IGSF11: variants seen among roughly 807,000 people sequenced by gnomAD.
IGSF11 encodes immunoglobulin superfamily member 11.
Under a neutral mutation model 41.0 loss-of-function variants are expected in IGSF11, and 22 were observed. That is an observed-to-expected ratio of 0.54 (90% confidence interval 0.38 to 0.77). The LOEUF (loss-of-function observed/expected upper bound fraction) is 0.77, where lower values mean the gene tolerates loss of function less well. Ranked by LOEUF, IGSF11 falls within the 30% of genes least tolerant of loss-of-function variation. The pLI, the probability that IGSF11 is intolerant of heterozygous loss-of-function variation, is 0.00. For missense variants in IGSF11, 444 were observed against 530.8 expected (o/e 0.84, Z 1.61); for synonymous variants, 219 against 201.3 (o/e 1.09, Z -0.74).
chr3:118,958,493 T>C (rs1419400182), intron 1 of IGSF11, among the ~76,000 whole-genome samples: 2 of 152,196 alleles, frequency 1.3e-5, no homozygotes, highest in Non-Finnish European at 2.9e-5. Context: ...TAGCCATGCA[T>C]TTCATTAGTC....
chr3:119,059,922 A>G (rs1165536314), intron 1 of IGSF11, among the ~76,000 whole-genome samples: 1 of 152,200 alleles, frequency 6.6e-6, no homozygotes, highest in Non-Finnish European at 1.5e-5. Context: ...AGGAAATGAT[A>G]AGACATAAAA....
chr3:119,019,735 A>T (rs1939106348), intron 1 of IGSF11, among the ~76,000 whole-genome samples: 1 of 152,128 alleles, frequency 6.6e-6, no homozygotes, highest in Admixed American at 6.5e-5. Context: ...CTCCTCCGTG[A>T]GGGTATTCTT....
At chr3:119,131,737 G>C (rs1346520956) in intron 1 of IGSF11, among the ~76,000 whole-genome samples, 1 of 152,064 alleles carries the variant, frequency 6.6e-6, no homozygotes, top group African/African-American at 2.4e-5. Context: ...CTAACCCCAA[G>C]ACACATAATT....
chr3:119,074,759 G>A (rs2076464008), intron 1 of IGSF11, among the ~76,000 whole-genome samples: 1 of 152,040 alleles, frequency 6.6e-6, no homozygotes, highest in Non-Finnish European at 1.5e-5. Flanking sequence ...GGCTGAGGTG[G>A]GAGAATGGCA....
chr3:119,098,788 A>G (rs547017269), intron 1 of IGSF11, among the ~76,000 whole-genome samples: 3 of 152,236 alleles, frequency 2.0e-5, no homozygotes, highest in Non-Finnish European at 4.4e-5. Flanking sequence ...CTGTTGCCTG[A>G]GTCAATTATG....
Position 118,939,282 on chromosome 3 carries a change from T to A in IGSF11, c.53-9007A>T, listed in dbSNP as rs931516699. 1.4e-4 allele frequency among the ~76,000 whole-genome samples: 21 copies of A among 152,056 alleles called. No homozygotes were observed. The East Asian group carries it at 1.9e-3, about 14-fold the overall frequency. On this transcript the variant is annotated intron_variant, in intron 1 of 6. Transcript: ENST00000393775. ...GAAAACCATCATGTATTTTTTTTTTTAAATCACTTCGGGCCAGGTGTGGTG... is the reference window on the plus strand; with the variant it reads ...GAAAACCATCATGTATTTTTTTTTTAAAATCACTTCGGGCCAGGTGTGGTG...
chr3:119,128,956 A>G (rs2077440291), intron 1 of IGSF11, among the ~76,000 whole-genome samples: 1 of 152,250 alleles, frequency 6.6e-6, no homozygotes, highest in African/African-American at 2.4e-5. Context: ...AAATGTGGAC[A>G]TATACACTAT....
At chr3:119,129,224 C>G (rs1002732741) in intron 1 of IGSF11, among the ~76,000 whole-genome samples, 2 of 152,064 alleles carry the variant, frequency 1.3e-5, no homozygotes, top group Non-Finnish European at 2.9e-5. Context: ...CACCATGGCA[C>G]ACGTATACCT....
At chr3:119,114,202 C>T (rs993611036) in intron 1 of IGSF11, among the ~76,000 whole-genome samples, 2 of 152,214 alleles carry the variant, frequency 1.3e-5, no homozygotes, top group Non-Finnish European at 2.9e-5. Context: ...CATTTGTCTC[C>T]TCCTTACTTA....
chr3:119,143,009 G>C (rs192246674), intron 1 of IGSF11, among the ~76,000 whole-genome samples: 1 of 152,132 alleles, frequency 6.6e-6, no homozygotes, highest in East Asian at 1.9e-4. Context: ...CTACCTTTCA[G>C]AAATAAAGAA....
At chr3:119,017,039 C>CAAAAA (rs60190891) in intron 1 of IGSF11, among the ~76,000 whole-genome samples, 4 of 88,312 alleles carry the variant, frequency 4.5e-5, no homozygotes, top group African/African-American at 7.5e-5. Context: ...GGACGCAGGA[C>CAAAAA]AAAAAAAAAA....
intron 1 of IGSF11, among the ~76,000 whole-genome samples, chr3:118,988,919 GCT>G (rs1320574517): frequency 6.6e-6 from 1 of 152,168 alleles, no homozygotes; most frequent in Non-Finnish European, 1.5e-5. Context: ...GAGTTAGAAA[GCT>G]CTTTCTCCAG....
intron 1 of IGSF11, among the ~76,000 whole-genome samples, chr3:119,133,805 C>T (rs905018146): frequency 4.6e-5 from 7 of 152,110 alleles, no homozygotes; most frequent in Admixed American, 3.3e-4. Context: ...TAATTAACAT[C>T]GATGCGAAAA....
chr3:118,904,869 A>T, intron 5 of IGSF11, 71 bp from the exon 6 acceptor site: 1 of 1,249,432 alleles, frequency 8.0e-7, no homozygotes, highest in Non-Finnish European at 1.1e-6. Context: ...ATGCAACTGT[A>T]ATAAGCACAT....
chr3:118,940,153 C>T (rs560325588), intron 1 of IGSF11, among the ~76,000 whole-genome samples: 6 of 152,242 alleles, frequency 3.9e-5, no homozygotes, highest in South Asian at 2.1e-4. Context: ...TCTGCTCTTG[C>T]CACTTCTATT....
At chr3:119,087,238 C>G (rs2076690230) in intron 1 of IGSF11, among the ~76,000 whole-genome samples, 1 of 152,036 alleles carries the variant, frequency 6.6e-6, no homozygotes, top group Non-Finnish European at 1.5e-5. Context: ...GGTATCTACC[C>G]AGAGGAAAAG....
intron 1 of IGSF11, among the ~76,000 whole-genome samples, chr3:119,138,996 T>A (rs2077602143): frequency 6.6e-6 from 1 of 152,104 alleles, no homozygotes; most frequent in South Asian, 2.1e-4. Context: ...TAATTCTACA[T>A]TTTACAATAA....
intron 1 of IGSF11, among the ~76,000 whole-genome samples, chr3:118,970,212 C>G (rs1384286709): frequency 6.6e-6 from 1 of 152,112 alleles, no homozygotes; most frequent in East Asian, 1.9e-4. Context: ...ATTCAAAAGT[C>G]AAGAATTCAA....
rs185054786 is a variant in IGSF11, at chr3:118,914,173, A to G, written c.581-8455T>C. Among the ~76,000 whole-genome samples the G allele has an allele frequency of 1.4e-4, 22 of 152,358 alleles. No homozygotes were observed. The South Asian group carries it at 3.3e-3, about 23-fold the overall frequency. On this transcript the variant is annotated intron_variant, in intron 4 of 6. Coordinates refer to ENST00000393775, the MANE Select transcript of IGSF11 (RefSeq NM_001015887.3). ...GTAGAGGAGAAAAAATATTATAAAGAATATTCAAATAATCAGTAGAAGATA... is the reference window on the plus strand; with the variant it reads ...GTAGAGGAGAAAAAATATTATAAAGGATATTCAAATAATCAGTAGAAGATA...
Sources: gnomAD v4.1 joint callset for allele counts (sites outside exome capture counted in the v4.1 genomes callset) on GRCh38, gnomAD v4.1.1 for gene constraint, MANE v1.5 for transcripts, NCBI Gene and HGNC (gene_info 2026-07-23, HGNC 2026-07-21) for gene names.